Variants in CHD7 observed in about 807,000 individuals in gnomAD.
CHD7 encodes ATP-dependent chromatin remodeler CHD7.
Under a neutral mutation model 307.3 loss-of-function variants are expected in CHD7, and 24 were observed. That is an observed-to-expected ratio of 0.08 (90% CI 0.06 to 0.11). CHD7 has a LOEUF of 0.11. Among genes scored for constraint, CHD7 ranks in the 10% least tolerant of loss-of-function variants. The probability of loss-of-function intolerance (pLI) is 1.00; values close to 1 mark genes in which losing one functional copy is unlikely to be tolerated. For synonymous variants in CHD7, 1,363 were observed against 1,349.9 expected (o/e 1.01, Z -0.21); for missense variants, 3,106 against 3,727.1 (o/e 0.83, Z 4.34).
chr8:60,776,168 G>A (rs185406835), intron 2 of CHD7, among the ~76,000 whole-genome samples: 49 of 152,186 alleles, frequency 3.2e-4, no homozygotes, highest in African/African-American at 1.2e-3. Context: ...AATTCATATA[G>A]TCATTCAGTA....
Position 60,800,298 on chromosome 8 carries a change from C to T in CHD7, c.2239-90C>T, listed in dbSNP as rs1193871269. The T allele has an allele frequency of 6.7e-6, 9 of 1,350,196 alleles. No homozygotes were observed. In the South Asian group the frequency reaches 6.9e-5, roughly 10 times the overall value. The allele number at this position is 1,350,196 out of a possible 1,614,324, so 83.6% of individuals were successfully genotyped here. A position where few individuals can be genotyped will look rare whatever the true frequency, so the allele number is the denominator to read the frequency against. ...CCGCCCGCCTCGGCCTCCCAAAGTG[C>T]TGGGATTACAGGCGTGAGCCACTGC... On this transcript the variant is annotated intron_variant, in intron 4 of 37. Transcript: ENST00000423902.
intron 21 of CHD7, 121 bp from the exon 22 acceptor site, chr8:60,844,743 C>A (rs1805130289): frequency 4.0e-6 from 3 of 741,606 alleles, no homozygotes; most frequent in East Asian, 2.7e-5. Context: ...TCTTTCCTAT[C>A]ACCCAGTGTG....
intron 1 of CHD7, among the ~76,000 whole-genome samples, chr8:60,684,011 A>G (rs1805756786): frequency 6.6e-6 from 1 of 152,118 alleles, no homozygotes; most frequent in Admixed American, 6.5e-5. Context: ...ATTGATCACC[A>G]TAGCTAGATT....
intron 2 of CHD7, among the ~76,000 whole-genome samples, chr8:60,779,292 T>C (rs769401029): frequency 6.6e-6 from 1 of 152,042 alleles, no homozygotes; most frequent in Non-Finnish European, 1.5e-5. Flanking sequence ...TAACTCAGAG[T>C]TCTGGGCTCT....
At chr8:60,709,049 T>C (rs751129815) in intron 1 of CHD7, among the ~76,000 whole-genome samples, 2 of 152,222 alleles carry the variant, frequency 1.3e-5, no homozygotes, top group Non-Finnish European at 2.9e-5. Context: ...CTCTTTCCTT[T>C]TGCGGAATTC....
chr8:60,793,496 C>G (rs1229371716), intron 3 of CHD7, among the ~76,000 whole-genome samples: 1 of 151,924 alleles, frequency 6.6e-6, no homozygotes, highest in Non-Finnish European at 1.5e-5. Flanking sequence ...TGAAAAAATA[C>G]ATTTTAGGTG....
chr8:60,767,365 C>T (rs1187939174), intron 2 of CHD7, among the ~76,000 whole-genome samples: 1 of 152,138 alleles, frequency 6.6e-6, no homozygotes, highest in African/African-American at 2.4e-5. Flanking sequence ...GAAGGAAGGT[C>T]AGGTAGGAGA....
At chr8:60,798,433 T>C (rs545048230) in intron 4 of CHD7, among the ~76,000 whole-genome samples, 18 of 152,354 alleles carry the variant, frequency 1.2e-4, no homozygotes, top group African/African-American at 3.8e-4. Context: ...ACTATCTATT[T>C]GATGGTCATA....
At chr8:60,745,736 A>C (rs1418986005) in intron 2 of CHD7, among the ~76,000 whole-genome samples, 1 of 152,176 alleles carries the variant, frequency 6.6e-6, no homozygotes, top group Non-Finnish European at 1.5e-5. Flanking sequence ...CAGAACATAG[A>C]CTTTAAAGTT....
At chr8:60,799,342 G>T (rs1812186637) in intron 4 of CHD7, among the ~76,000 whole-genome samples, 1 of 152,166 alleles carries the variant, frequency 6.6e-6, no homozygotes, top group Non-Finnish European at 1.5e-5. Flanking sequence ...GACTGTGTGG[G>T]TTGCATTTTG....
At chr8:60,818,959 ACT>A (rs1803886955) in intron 8 of CHD7, among the ~76,000 whole-genome samples, 1 of 151,958 alleles carries the variant, frequency 6.6e-6, no homozygotes, top group Admixed American at 6.6e-5. Context: ...TTAGTCTATA[ACT>A]CTTTTTTTGA....
At chr8:60,801,060 A>G (rs1812288331) in intron 5 of CHD7, among the ~76,000 whole-genome samples, 3 of 152,240 alleles carry the variant, frequency 2.0e-5, no homozygotes, top group Admixed American at 6.5e-5. Flanking sequence ...TCTTATTGAA[A>G]AGTATATTAA....
chr8:60,859,124 T>C (rs1472759598), intron 34 of CHD7, among the ~76,000 whole-genome samples: 1 of 149,530 alleles, frequency 6.7e-6, no homozygotes, highest in Non-Finnish European at 1.5e-5. Flanking sequence ...AGTTAGAGAA[T>C]GTATTTTTAA....
chr8:60,849,779 T>G (rs1176253827), intron 25 of CHD7, among the ~76,000 whole-genome samples: 1 of 152,238 alleles, frequency 6.6e-6, no homozygotes, highest in East Asian at 1.9e-4. Flanking sequence ...GATTACAGTT[T>G]GGCTTGCGGC....
intron 7 of CHD7, among the ~76,000 whole-genome samples, chr8:60,812,063 A>T (rs999606367): frequency 9.9e-5 from 15 of 152,130 alleles, no homozygotes; most frequent in Non-Finnish European, 2.9e-5. Flanking sequence ...ATCTTGGGTT[A>T]TATGTTGCAA....
At chr8:60,817,788 T>A (rs1803816374) in intron 8 of CHD7, among the ~76,000 whole-genome samples, 3 of 152,242 alleles carry the variant, frequency 2.0e-5, no homozygotes, top group Non-Finnish European at 4.4e-5. Flanking sequence ...GTTAAATTTT[T>A]ATGACATTGG....
intron 13 of CHD7, among the ~76,000 whole-genome samples, chr8:60,827,918 A>G (rs905390304): frequency 1.3e-5 from 2 of 152,110 alleles, no homozygotes; most frequent in South Asian, 2.1e-4. Flanking sequence ...GTAGAAAATA[A>G]TAGGGTTCTT....
In CHD7 at chr8:60,742,903, A is replaced by G; in HGVS notation, c.1471A>G (p.Ile491Val). ...TGTTGGCCTTGGAGACCCACAAGCA[A>G]TCCAGGAACGACTGATACCTGGCCA... The part of the protein sequence containing the change: ...PGVGLGDPQA[I>V]QERLIPGQQH... The change falls in exon 2 of 38, where the codon ATC (isoleucine) becomes GTC (valine). Residue 491 changes from isoleucine to valine, a missense_variant. Coordinates refer to ENST00000423902, the MANE Select transcript of CHD7 (RefSeq NM_017780.4). 6.2e-7 allele frequency: 1 copy of G among 1,612,642 alleles called. No homozygotes were observed. The highest frequency in any genetic ancestry group is 1.7e-5 in the Admixed American group (1 of 59,766).
At chr8:60,764,384 GAAGT>G (rs1446552402) in intron 2 of CHD7, among the ~76,000 whole-genome samples, 3 of 151,938 alleles carry the variant, frequency 2.0e-5, no homozygotes, top group South Asian at 4.1e-4. Context: ...GAATTAAAAA[GAAGT>G]AAGATTGAGA....
Sources: gnomAD v4.1 joint callset for allele counts (sites outside exome capture counted in the v4.1 genomes callset) on GRCh38, gnomAD v4.1.1 for gene constraint, MANE v1.5 for transcripts, NCBI Gene and HGNC (gene_info 2026-07-23, HGNC 2026-07-21) for gene names.